Variants in AKAP10 observed in about 807,000 individuals in gnomAD.
The protein encoded by AKAP10 is A-kinase anchor protein 10, mitochondrial.
Under a neutral mutation model 80.8 loss-of-function variants are expected in AKAP10, and 24 were observed. The observed-to-expected ratio is 0.30, with a 90% CI of 0.22 to 0.42. The LOEUF is 0.42. Among genes scored for constraint, AKAP10 ranks in the 10% least tolerant of loss-of-function variants. AKAP10 has a pLI of 1.00. For missense variants in AKAP10, 661 were observed against 794.9 expected, an observed-to-expected ratio of 0.83 and a Z score of 2.03; for synonymous variants, 291 against 277.7, an observed-to-expected ratio of 1.05 and a Z score of -0.48.
At chr17:19,974,974 C>T (rs540648675) in intron 1 of AKAP10, among the ~76,000 whole-genome samples, 1 of 152,158 alleles carries the variant, frequency 6.6e-6, no homozygotes, top group Admixed American at 6.5e-5. Flanking sequence ...CTAGAATGAT[C>T]TTTTTAAGAT....
At chr17:19,977,493 G>A in intron 1 of AKAP10, 99 bp downstream of exon 1, 9 of 940,266 alleles carry the variant, frequency 9.6e-6, no homozygotes, top group South Asian at 5.4e-5. Context: ...GCTCGCTGAA[G>A]GCCTTGCTGC....
rs2042616784 is a variant in AKAP10 at position 19,904,933 on chromosome 17, C to A, written c.*1294G>T. Reference sequence around the variant, plus strand: ...GTCGATGAAACAGTGTGCCTCTATACAATCAAATATTGCAATGGAATAAAT... The same window carrying A: ...GTCGATGAAACAGTGTGCCTCTATAAAATCAAATATTGCAATGGAATAAAT... On this transcript the variant is annotated 3_prime_UTR_variant, in exon 15 of 15. Coordinates refer to ENST00000225737, the MANE Select transcript of AKAP10 (RefSeq NM_007202.4). 1 of 151,520 alleles carries A rather than the reference C, an allele frequency of 6.6e-6. No homozygotes were observed. Among genetic ancestry groups the A allele is most frequent in the South Asian group, 2.1e-4 (1 of 4,822 alleles). 9.4% of individuals were successfully genotyped at this position (151,520 alleles called of 1,614,324 possible).
rs573559424 is a variant in AKAP10 at position 19,947,384 on chromosome 17, C to G, written c.976+23G>C. ...TGCATTTTTTGTCATTTTTTTTTTG[C>G]CATAGTTTCAAGCACTGCTTACCTA... On this transcript the variant is annotated intron_variant, in intron 5 of 14. Transcript: ENST00000225737. The G allele has an allele frequency of 8.6e-5, 131 of 1,518,412 alleles. No homozygotes were observed. In the South Asian group the frequency reaches 1.5e-3, roughly 17 times the overall value. The allele number at this position is 1,518,412 out of a possible 1,614,324, so 94.1% of individuals were successfully genotyped here.
chr17:19,946,234 ATATTATATATATATATATATATAT>A (rs2043112221), intron 5 of AKAP10, among the ~76,000 whole-genome samples: 2 of 17,258 alleles, frequency 1.2e-4, no homozygotes, highest in African/African-American at 3.6e-4. Flanking sequence ...ATATATATAT[ATATTATATATATATATATATATAT>A]ATATATATAT....
chr17:19,964,529 AATT>A lies in AKAP10; in HGVS notation c.137-1510_137-1508del, dbSNP rs2043392970. Among the ~76,000 whole-genome samples, 4 of 152,288 alleles carry A rather than the reference AATT, an allele frequency of 2.6e-5. No individual in the cohort carries two copies. In the South Asian group the frequency reaches 8.3e-4, roughly 32 times the overall value. On this transcript the variant is annotated intron_variant, in intron 2 of 14. Coordinates refer to ENST00000225737, the MANE Select transcript of AKAP10 (RefSeq NM_007202.4). ...AAAGCATATTTACTCTCAAATCTTT[AATT>A]ATTACCAGAGCAATAATTTTCAAAC...
intron 1 of AKAP10, 62 bp downstream of exon 1, chr17:19,977,530 C>T: frequency 8.4e-7 from 1 of 1,192,774 alleles, no homozygotes; most frequent in Non-Finnish European, 1.1e-6. Context: ...CTCGCAGGCC[C>T]ACCTGCCCCA....
chr17:19,927,957 C>T (rs1377756092), intron 10 of AKAP10, among the ~76,000 whole-genome samples: 4 of 150,814 alleles, frequency 2.7e-5, no homozygotes, highest in African/African-American at 4.9e-5. Context: ...CAATGGCTCA[C>T]GCCTGTAATC....
At chr17:19,964,849 C>A (rs1030388086) in intron 2 of AKAP10, among the ~76,000 whole-genome samples, 1 of 152,218 alleles carries the variant, frequency 6.6e-6, no homozygotes, top group East Asian at 1.9e-4. Context: ...GCTGCGCGAT[C>A]TCGCCACTGC....
intron 1 of AKAP10, among the ~76,000 whole-genome samples, chr17:19,972,248 T>A (rs2043507033): frequency 6.6e-6 from 1 of 152,238 alleles, no homozygotes; most frequent in Admixed American, 6.5e-5. Flanking sequence ...TTGATGTTTT[T>A]AATTCATTTC....
chr17:19,915,392 G>A (rs1454628581), intron 12 of AKAP10, among the ~76,000 whole-genome samples: 1 of 152,178 alleles, frequency 6.6e-6, no homozygotes, highest in Non-Finnish European at 1.5e-5. Context: ...AAGGAACCAA[G>A]CTGGAGTAAA....
chr17:19,923,817 C>T (rs1221175126), intron 11 of AKAP10, among the ~76,000 whole-genome samples: 3 of 152,170 alleles, frequency 2.0e-5, no homozygotes, highest in Non-Finnish European at 4.4e-5. Flanking sequence ...TGAGCCACTG[C>T]GCCTGGCCTA....
chr17:19,925,502 T>G (rs1226062605), intron 10 of AKAP10, among the ~76,000 whole-genome samples: 1 of 152,158 alleles, frequency 6.6e-6, no homozygotes, highest in Non-Finnish European at 1.5e-5. Context: ...TTTTGTGAAA[T>G]ACAGAGCCAT....
intron 12 of AKAP10, among the ~76,000 whole-genome samples, chr17:19,919,755 G>GT (rs1167841362): frequency 6.6e-6 from 1 of 151,944 alleles, no homozygotes; most frequent in Non-Finnish European, 1.5e-5. Flanking sequence ...TCCAACTTAG[G>GT]TCGGGTATTT....
intron 4 of AKAP10, among the ~76,000 whole-genome samples, chr17:19,953,760 G>A (rs544303125): frequency 2.0e-4 from 30 of 151,868 alleles, no homozygotes; most frequent in South Asian, 6.3e-4. Context: ...TGCCAGGCAC[G>A]GTGGCTCACA....
chr17:19,959,215 A>G (rs527355417), intron 3 of AKAP10, among the ~76,000 whole-genome samples: 10 of 152,334 alleles, frequency 6.6e-5, no homozygotes, highest in African/African-American at 2.4e-4. Flanking sequence ...GCCAATAAAA[A>G]TATTAAAAAC....
intron 9 of AKAP10, among the ~76,000 whole-genome samples, chr17:19,932,583 T>C (rs2042948190): frequency 6.6e-6 from 1 of 152,152 alleles, no homozygotes. Context: ...TAGGATATAA[T>C]TTGAAACTCG....
chr17:19,946,262 TATATATATATA>T lies in AKAP10; in HGVS notation c.976+1134_976+1144del, dbSNP rs1567765886. Among the ~76,000 whole-genome samples, 23 of 29,640 alleles carry T rather than the reference TATATATATATA, an allele frequency of 7.8e-4. 1 individual carries two copies. Among genetic ancestry groups the T allele is most frequent in the African/African-American group, 2.8e-3 (20 of 7,088 alleles). 19.4% of individuals were successfully genotyped at this position (29,640 alleles called of 152,430 possible). On this transcript the variant is annotated intron_variant, in intron 5 of 14. Coordinates refer to ENST00000225737, the MANE Select transcript of AKAP10 (RefSeq NM_007202.4). The stretch of plus-strand genomic sequence containing the variant: ...TTATATATATATATATATATATATA[TATATATATATA>T]TATTTTTTTTTTTTTTTTTTTTTTT...
intron 11 of AKAP10, among the ~76,000 whole-genome samples, chr17:19,923,349 A>G (rs530642069): frequency 7.9e-5 from 12 of 152,260 alleles, no homozygotes; most frequent in African/African-American, 2.9e-4. Context: ...AAGTGGTGGG[A>G]TTACAGGCGT....
chr17:19,920,711 T>G (rs2042800575), intron 11 of AKAP10, among the ~76,000 whole-genome samples: 1 of 151,400 alleles, frequency 6.6e-6, no homozygotes, highest in Non-Finnish European at 1.5e-5. Flanking sequence ...GGTGTGGTGG[T>G]GGATGCCTGT....
Sources: allele counts gnomAD v4.1 joint callset (sites outside exome capture counted in the v4.1 genomes callset), GRCh38; gene constraint gnomAD v4.1.1; transcripts MANE v1.5; gene names NCBI Gene and HGNC (gene_info 2026-07-23, HGNC 2026-07-21).